The following OXR1 variants were observed in gnomAD, a reference collection of about 807,000 sequenced individuals.
The protein encoded by OXR1 is oxidation resistance protein 1.
A neutral mutation model predicts 104.6 loss-of-function variants in OXR1; 41 were observed. That is an observed-to-expected ratio of 0.39 (90% CI 0.31 to 0.51). The LOEUF (loss-of-function observed/expected upper bound fraction) is 0.51. Ranked by LOEUF, OXR1 falls within the 20% of genes least tolerant of loss-of-function variation. The pLI, the probability that OXR1 is intolerant of heterozygous loss-of-function variation, is 0.77. For missense variants in OXR1, 955 were observed against 1,031.9 expected (o/e 0.93, Z 1.02); for synonymous variants, 348 against 348.4 (o/e 1.00, Z 0.01).
intron 2 of OXR1, among the ~76,000 whole-genome samples, chr8:106,481,299 G>A (rs189736696): frequency 1.4e-4 from 21 of 151,860 alleles, no homozygotes; most frequent in Non-Finnish European, 2.2e-4. Flanking sequence ...TACTTAATTC[G>A]GCATGTTAAA....
intron 2 of OXR1, among the ~76,000 whole-genome samples, chr8:106,456,921 T>A (rs1670403): frequency 0.52 from 79,728 of 152,080 alleles, 24,240 homozygotes; most frequent in African/African-American, 0.83. Flanking sequence ...CATTTATTAT[T>A]TGCATTGTAC....
At chr8:106,435,434 C>T (rs1252752820) in intron 2 of OXR1, among the ~76,000 whole-genome samples, 1 of 152,126 alleles carries the variant, frequency 6.6e-6, no homozygotes, top group Non-Finnish European at 1.5e-5. Context: ...CCTAATCACC[C>T]TCAATTGTGA....
At chr8:106,328,550 AG>A (rs1814575891) in intron 1 of OXR1, among the ~76,000 whole-genome samples, 5 of 152,212 alleles carry the variant, frequency 3.3e-5, no homozygotes, top group Admixed American at 3.3e-4. Flanking sequence ...TATTCTGGGA[AG>A]TGTCTGTAAG....
intron 3 of OXR1, among the ~76,000 whole-genome samples, chr8:106,678,059 G>A (rs2131203613): frequency 6.6e-6 from 1 of 152,216 alleles, no homozygotes; most frequent in South Asian, 2.1e-4. Context: ...CAGATGCTGT[G>A]AAGGAGACAT....
intron 3 of OXR1, among the ~76,000 whole-genome samples, chr8:106,673,457 G>A (rs1309512943): frequency 1.3e-5 from 2 of 152,164 alleles, no homozygotes; most frequent in Admixed American, 6.5e-5. Flanking sequence ...GTTTGGATTT[G>A]AAGCTTATGT....
intron 2 of OXR1, among the ~76,000 whole-genome samples, chr8:106,370,753 G>C (rs1816671749): frequency 2.0e-5 from 3 of 152,172 alleles, no homozygotes; most frequent in Non-Finnish European, 4.4e-5. Context: ...AACCCAACTT[G>C]ATCATTGTGG....
intron 2 of OXR1, among the ~76,000 whole-genome samples, chr8:106,482,907 TAAAC>T (rs1822223104): frequency 6.6e-6 from 1 of 152,034 alleles, no homozygotes; most frequent in African/African-American, 2.4e-5. Context: ...TATCATTTCC[TAAAC>T]ACTTAGTTGT....
chr8:106,325,514 A>C (rs117964733), intron 1 of OXR1, among the ~76,000 whole-genome samples: 305 of 152,300 alleles, frequency 2.0e-3, no homozygotes, highest in South Asian at 4.1e-3. Context: ...AGTGTGTATA[A>C]TAATAGCATC....
chr8:106,736,942 T>G (rs1036331202), intron 11 of OXR1, among the ~76,000 whole-genome samples: 2 of 152,204 alleles, frequency 1.3e-5, no homozygotes, highest in Non-Finnish European at 2.9e-5. Flanking sequence ...TTTGAAAATC[T>G]AATTTTCTAC....
At chr8:106,359,300 T>A (rs538213825) in intron 1 of OXR1, among the ~76,000 whole-genome samples, 176 bp from the exon 2 acceptor site, 84 of 152,244 alleles carry the variant, frequency 5.5e-4, no homozygotes, top group African/African-American at 1.9e-3. Flanking sequence ...CAGCTTATCA[T>A]ATGGTTGGTT....
intron 2 of OXR1, among the ~76,000 whole-genome samples, chr8:106,479,512 G>A (rs1821990820): frequency 6.6e-6 from 1 of 151,832 alleles, no homozygotes; most frequent in Non-Finnish European, 1.5e-5. Context: ...TAATTCCAGA[G>A]AGCACTATTG....
At chr8:106,487,691 C>G (rs1273562339) in intron 2 of OXR1, among the ~76,000 whole-genome samples, 2 of 148,560 alleles carry the variant, frequency 1.3e-5, no homozygotes, top group Non-Finnish European at 3.0e-5. Context: ...TTTGTTCTTG[C>G]GATAGTTTAC....
At chr8:106,311,933 T>C (rs1003711066) in intron 1 of OXR1, among the ~76,000 whole-genome samples, 3 of 152,150 alleles carry the variant, frequency 2.0e-5, no homozygotes, top group Middle Eastern at 3.2e-3. Flanking sequence ...CTCTCTGTTA[T>C]TGTTTCCCTT....
chr8:106,337,438 C>T (rs1487098904), intron 1 of OXR1, among the ~76,000 whole-genome samples: 2 of 152,196 alleles, frequency 1.3e-5, no homozygotes, highest in Non-Finnish European at 2.9e-5. Context: ...TCTAATTCAA[C>T]TTCCTTGTTT....
At chr8:106,545,749 G>A (rs1815304812) in intron 3 of OXR1, among the ~76,000 whole-genome samples, 1 of 152,182 alleles carries the variant, frequency 6.6e-6, no homozygotes, top group Admixed American at 6.5e-5. Flanking sequence ...TGTAATCCCA[G>A]CACTTTGGGA....
At chr8:106,559,298 A>G (rs1816506757) in intron 3 of OXR1, among the ~76,000 whole-genome samples, 1 of 152,118 alleles carries the variant, frequency 6.6e-6, no homozygotes, top group African/African-American at 2.4e-5. Flanking sequence ...ATTTCTAACA[A>G]CATTCTGATC....
chr8:106,623,502 G>A (rs1821894503), intron 3 of OXR1, among the ~76,000 whole-genome samples: 1 of 152,026 alleles, frequency 6.6e-6, no homozygotes, highest in South Asian at 2.1e-4. Flanking sequence ...AGTCTAATGA[G>A]AGAGACAGAC....
intron 3 of OXR1, among the ~76,000 whole-genome samples, chr8:106,673,640 C>A (rs1339285460): frequency 6.6e-6 from 1 of 152,124 alleles, no homozygotes; most frequent in Admixed American, 6.5e-5. Flanking sequence ...CAGGGCATGT[C>A]AGAGACCTTC....
intron 2 of OXR1, among the ~76,000 whole-genome samples, chr8:106,399,154 A>G (rs934988398): frequency 6.6e-6 from 1 of 152,178 alleles, no homozygotes; most frequent in Non-Finnish European, 1.5e-5. Flanking sequence ...CTACTAAATG[A>G]TCTGAGTTAC....
Sources: gnomAD v4.1 joint callset for allele counts (sites outside exome capture counted in the v4.1 genomes callset) on GRCh38, gnomAD v4.1.1 for gene constraint, MANE v1.5 for transcripts, NCBI Gene and HGNC (gene_info 2026-07-23, HGNC 2026-07-21) for gene names.